The following SLC44A5 variants were observed in gnomAD, a reference collection of about 807,000 sequenced individuals.
SLC44A5 encodes choline transporter-like protein 5.
Under a neutral mutation model 101.8 loss-of-function variants are expected in SLC44A5, and 57 were observed. That is an observed-to-expected ratio of 0.56 (90% CI 0.45 to 0.70). SLC44A5 has a LOEUF of 0.70. Ranked by LOEUF, SLC44A5 falls within the 30% of genes least tolerant of loss-of-function variation. The pLI is 0.00. For synonymous variants in SLC44A5, 281 were observed against 290.9 expected (o/e 0.97, Z 0.35); for missense variants, 737 against 853.1 (o/e 0.86, Z 1.70).
chr1:75,687,771 T>C, the SLC44A5 span, among the ~76,000 whole-genome samples: 4 of 152,234 alleles, frequency 2.6e-5, no homozygotes, highest in Non-Finnish European at 4.4e-5. Flanking sequence ...ATTTTCCAAC[T>C]CTTCCTTGAA....
At chr1:75,578,719 A>G (rs1381452102) in intron 1 of SLC44A5, among the ~76,000 whole-genome samples, 1 of 152,152 alleles carries the variant, frequency 6.6e-6, no homozygotes, top group Non-Finnish European at 1.5e-5. Context: ...TTTATTGTAC[A>G]ACATAGTAAA....
At chr1:75,712,754 C>A in the SLC44A5 span, among the ~76,000 whole-genome samples, 1 of 144,160 alleles carries the variant, frequency 6.9e-6, no homozygotes, top group South Asian at 2.2e-4. Flanking sequence ...AAAATGCTGT[C>A]GTTTAAAAAA....
At chr1:75,583,809 G>A (rs1673838686) in intron 1 of SLC44A5, among the ~76,000 whole-genome samples, 1 of 152,160 alleles carries the variant, frequency 6.6e-6, no homozygotes, top group Non-Finnish European at 1.5e-5. Flanking sequence ...TACTCTTGGG[G>A]CTTCCCAACA....
intron 2 of SLC44A5, among the ~76,000 whole-genome samples, chr1:75,430,840 T>A (rs1402491010): frequency 1.3e-5 from 2 of 152,242 alleles, no homozygotes; most frequent in Non-Finnish European, 2.9e-5. Context: ...TCACTGGCCT[T>A]GAGCTCAGGC....
intron 3 of SLC44A5, among the ~76,000 whole-genome samples, chr1:75,376,287 C>A (rs1428045522): frequency 6.6e-5 from 10 of 152,352 alleles, no homozygotes; most frequent in East Asian, 3.9e-4. Context: ...CCCAGGCTTG[C>A]CTAGGTAAAC....
At chr1:75,285,356 T>C (rs1652953097) in intron 5 of SLC44A5, among the ~76,000 whole-genome samples, 1 of 152,070 alleles carries the variant, frequency 6.6e-6, no homozygotes, top group African/African-American at 2.4e-5. Flanking sequence ...ATTTTGTTTC[T>C]AATTGGATCT....
intron 2 of SLC44A5, among the ~76,000 whole-genome samples, chr1:75,483,643 T>G (rs1233766060): frequency 6.6e-6 from 1 of 152,148 alleles, no homozygotes; most frequent in Non-Finnish European, 1.5e-5. Context: ...CAACTACATT[T>G]CAAAAAATGT....
At chr1:75,579,357 C>G (rs921568474) in intron 1 of SLC44A5, among the ~76,000 whole-genome samples, 1 of 152,160 alleles carries the variant, frequency 6.6e-6, no homozygotes, top group African/African-American at 2.4e-5. Context: ...GCAGGAGGAT[C>G]GCTTGAACTG....
intron 5 of SLC44A5, among the ~76,000 whole-genome samples, chr1:75,296,507 C>T (rs1471140634): frequency 1.3e-5 from 2 of 152,000 alleles, no homozygotes; most frequent in African/African-American, 4.8e-5. Flanking sequence ...CAAGTGTGGA[C>T]AAGGCTCAGC....
At chr1:75,666,962 A>C in the SLC44A5 span, among the ~76,000 whole-genome samples, 1 of 152,226 alleles carries the variant, frequency 6.6e-6, no homozygotes, top group South Asian at 2.1e-4. Flanking sequence ...TATTTATGAC[A>C]AACCCACAGC....
chr1:75,221,222 C>A (rs1276317860), intron 14 of SLC44A5, among the ~76,000 whole-genome samples: 1 of 152,170 alleles, frequency 6.6e-6, no homozygotes, highest in Non-Finnish European at 1.5e-5. Context: ...CTGTAATTTT[C>A]TTCAAATAAT....
chr1:75,329,381 T>G (rs1358419606), intron 4 of SLC44A5, among the ~76,000 whole-genome samples: 1 of 152,156 alleles, frequency 6.6e-6, no homozygotes. Context: ...CATTCTTGTG[T>G]ATCTGTTAAA....
chr1:75,414,278 C>T, intron 2 of SLC44A5, among the ~76,000 whole-genome samples: 1 of 105,122 alleles, frequency 9.5e-6, no homozygotes, highest in Non-Finnish European at 1.8e-5. Flanking sequence ...TATATATACA[C>T]ATATATACAT....
chr1:75,611,952 C>T (rs1675674923), upstream of SLC44A5, among the ~76,000 whole-genome samples: 1 of 152,038 alleles, frequency 6.6e-6, no homozygotes, highest in African/African-American at 2.4e-5. Flanking sequence ...TCTACCATTA[C>T]AATATGTTTT....
At chr1:75,262,070 A>C (rs1460541080) in intron 6 of SLC44A5, among the ~76,000 whole-genome samples, 1 of 151,682 alleles carries the variant, frequency 6.6e-6, no homozygotes, top group Non-Finnish European at 1.5e-5. Flanking sequence ...AATCCCTTTG[A>C]AAACCGGCAC....
the SLC44A5 span, among the ~76,000 whole-genome samples, chr1:75,637,534 T>C: frequency 6.6e-6 from 1 of 152,102 alleles, no homozygotes; most frequent in East Asian, 1.9e-4. Flanking sequence ...GCTTAATGGG[T>C]ACAGAGTTTC....
At chr1:75,616,268 C>T in the SLC44A5 span, among the ~76,000 whole-genome samples, 2 of 152,144 alleles carry the variant, frequency 1.3e-5, no homozygotes, top group Non-Finnish European at 1.5e-5. Context: ...CCCGGTGTCC[C>T]GTCTGAGCCG....
chr1:75,709,950 A>G, the SLC44A5 span: 2 of 152,256 alleles, frequency 1.3e-5, no homozygotes, highest in African/African-American at 4.8e-5. Context: ...AGTGATACTC[A>G]AACATGAATG....
chr1:75,665,145 C>T, the SLC44A5 span, among the ~76,000 whole-genome samples: 1 of 151,862 alleles, frequency 6.6e-6, no homozygotes, highest in African/African-American at 2.4e-5. Flanking sequence ...AAAAAGAACT[C>T]AAATAGTCAA....
Sources: allele counts gnomAD v4.1 joint callset (sites outside exome capture counted in the v4.1 genomes callset), GRCh38; gene constraint gnomAD v4.1.1; transcripts MANE v1.5; gene names NCBI Gene and HGNC (gene_info 2026-07-23, HGNC 2026-07-21).